Variants in DAGLA observed in about 807,000 individuals in gnomAD.
The protein encoded by DAGLA is diacylglycerol lipase-alpha.
Under a neutral mutation model 102.6 loss-of-function variants are expected in DAGLA, and 22 were observed. The observed-to-expected ratio is 0.21, with a 90% confidence interval of 0.15 to 0.31. DAGLA has a LOEUF of 0.31. Among genes scored for constraint, DAGLA ranks in the 10% least tolerant of loss-of-function variants. DAGLA has a pLI of 1.00. For missense variants in DAGLA, 927 were observed against 1,446.6 expected, an observed-to-expected ratio of 0.64 and a Z score of 5.83; for synonymous variants, 578 against 628.9, an observed-to-expected ratio of 0.92 and a Z score of 1.21.
At chr11:61,694,717 G>A (rs1440171166) in intron 1 of DAGLA, among the ~76,000 whole-genome samples, 2 of 152,210 alleles carry the variant, frequency 1.3e-5, no homozygotes, top group Non-Finnish European at 2.9e-5. Context: ...GGGGAGGAAG[G>A]GTGGGAGAAA....
intron 1 of DAGLA, among the ~76,000 whole-genome samples, chr11:61,706,181 C>T (rs1462027257): frequency 6.6e-6 from 1 of 152,226 alleles, no homozygotes; most frequent in African/African-American, 2.4e-5. Flanking sequence ...AATCAAGAAT[C>T]GAGGACAACC....
At chr11:61,738,922 C>T (rs1319985144) in intron 16 of DAGLA, among the ~76,000 whole-genome samples, 1 of 152,164 alleles carries the variant, frequency 6.6e-6, no homozygotes, top group Non-Finnish European at 1.5e-5. Flanking sequence ...GACCCTGTGG[C>T]AGGCAGGGCC....
chr11:61,683,316 G>A (rs1341353262), intron 1 of DAGLA, among the ~76,000 whole-genome samples: 4 of 152,190 alleles, frequency 2.6e-5, no homozygotes, highest in Admixed American at 1.3e-4. Flanking sequence ...CCCCGTAGCT[G>A]CCACGCAGAC....
chr11:61,730,891 G>A (rs529842213), intron 8 of DAGLA, among the ~76,000 whole-genome samples: 4 of 152,306 alleles, frequency 2.6e-5, no homozygotes, highest in South Asian at 2.1e-4. Flanking sequence ...CACACACGCC[G>A]CCCAGCTGGA....
At chr11:61,736,408 C>A in intron 13 of DAGLA, 58 bp downstream of exon 13, 4 of 1,387,274 alleles carry the variant, frequency 2.9e-6, no homozygotes, top group Non-Finnish European at 3.1e-6. Flanking sequence ...TCCTCCAACG[C>A]AGCACAGAGA....
In DAGLA at chr11:61,684,485, T is replaced by TTG. The variant is rs780676670; in HGVS notation, c.-45+3990_-45+3991dup. 6.6e-6 allele frequency among the ~76,000 whole-genome samples: 1 copy of TTG among 151,640 alleles called. No homozygotes were observed. Among genetic ancestry groups the TTG allele is most frequent in the Non-Finnish European group, 1.5e-5 (1 of 67,924 alleles). The stretch of plus-strand genomic sequence containing the variant: ...GCGTGAGTGTGGGTGTGGACGTGGG[T>TTG]TGTGTGTGTGGGCAGGAAAGACCCA... On this transcript the variant is annotated intron_variant, in intron 1 of 19. Coordinates refer to ENST00000257215, the MANE Select transcript of DAGLA (RefSeq NM_006133.3). This position sits in a 1 kb window ranked among gnomAD's most constrained non-coding sequence, Gnocchi z 4.5.
Position 61,744,143 on chromosome 11 carries a change from G to T in DAGLA, c.2783G>T (p.Ser928Ile). The stretch of plus-strand genomic sequence containing the variant: ...CTCTTCAACCTGGACAGCAAGAGCA[G>T]CTCCTTCCAAGACCTCTACTGCATG... ...DSLFNLDSKS[S>I]SFQDLYCMVV... is the part of the protein sequence containing the mutation. Residue 928 changes from serine to isoleucine, a missense_variant, in exon 20 of 20, where the codon AGC becomes ATC. This residue lies in a region of DAGLA where 434 missense variants were observed against 503.3 expected (regional missense o/e 0.86). Coordinates refer to ENST00000257215, the MANE Select transcript of DAGLA (RefSeq NM_006133.3). 6.2e-7 allele frequency: 1 copy of T among 1,613,076 alleles called. No homozygotes were observed. The highest frequency in any genetic ancestry group is 1.1e-5 in the South Asian group (1 of 91,078).
chr11:61,686,345 G>A lies in DAGLA; in HGVS notation c.-45+5841G>A, dbSNP rs2064985496. On this transcript the variant is annotated intron_variant, in intron 1 of 19. Transcript: ENST00000257215. This position sits in a 1 kb window ranked among gnomAD's most constrained non-coding sequence, Gnocchi z 5.2. ...TGCTGGGCGGGAGTGTGAACGGCAG[G>A]CTTTCAGGGCTGCCCTCGAGGCCGT... 6.6e-6 allele frequency among the ~76,000 whole-genome samples: 1 copy of A among 152,152 alleles called. No individual in the cohort carries two copies.
At chr11:61,697,417 G>A (rs2065075299) in intron 1 of DAGLA, among the ~76,000 whole-genome samples, 1 of 152,156 alleles carries the variant, frequency 6.6e-6, no homozygotes, top group South Asian at 2.1e-4. Flanking sequence ...TCTGCTTGGG[G>A]GAATGGCCAC....
intron 1 of DAGLA, among the ~76,000 whole-genome samples, chr11:61,701,942 A>AT (rs553267955): frequency 3.0e-4 from 44 of 146,862 alleles, no homozygotes; most frequent in South Asian, 6.5e-4. Flanking sequence ...GCCCAGATAA[A>AT]TTTTTTTTTT....
At chr11:61,696,408 G>A (rs1054613756) in intron 1 of DAGLA, among the ~76,000 whole-genome samples, 6 of 152,102 alleles carry the variant, frequency 3.9e-5, no homozygotes, top group Non-Finnish European at 8.8e-5. Context: ...GTCCGTCAAG[G>A]ACACCACCCC....
At chr11:61,685,201 T>G (rs575732143) in intron 1 of DAGLA, among the ~76,000 whole-genome samples, 1 of 152,224 alleles carries the variant, frequency 6.6e-6, no homozygotes, top group Non-Finnish European at 1.5e-5. Context: ...TTTCCTAATC[T>G]GTAAGATGGG....
chr11:61,689,829 G>A (rs1305976929), intron 1 of DAGLA, among the ~76,000 whole-genome samples: 1 of 152,108 alleles, frequency 6.6e-6, no homozygotes, highest in African/African-American at 2.4e-5. Flanking sequence ...TCTATCCACT[G>A]CCTTTTCTTT....
At chr11:61,739,407 G>C in intron 16 of DAGLA, 58 bp from the exon 17 acceptor site, 124 of 1,405,468 alleles carry the variant, frequency 8.8e-5, no homozygotes, top group South Asian at 6.7e-4. Context: ...CCCTGCCCCT[G>C]CCCCCCAGCC....
chr11:61,695,133 T>A (rs2065054328), intron 1 of DAGLA, among the ~76,000 whole-genome samples: 1 of 152,168 alleles, frequency 6.6e-6, no homozygotes, highest in Non-Finnish European at 1.5e-5. Flanking sequence ...GCTAAAGTGG[T>A]GCCCAGCCTC....
chr11:61,712,413 G>A (rs555702765), intron 1 of DAGLA, among the ~76,000 whole-genome samples: 5 of 152,276 alleles, frequency 3.3e-5, no homozygotes, highest in East Asian at 1.9e-4. Context: ...TGGGAAAGGC[G>A]TTTGTTAGCC....
At chr11:61,706,403 C>A (rs1345729876) in intron 1 of DAGLA, among the ~76,000 whole-genome samples, 1 of 152,182 alleles carries the variant, frequency 6.6e-6, no homozygotes, top group Non-Finnish European at 1.5e-5. Flanking sequence ...CTGCACCCCA[C>A]CCATGAACAT....
chr11:61,720,067 C>T (rs1014340163), intron 1 of DAGLA, 45 bp from the exon 2 acceptor site: 1 of 1,386,396 alleles, frequency 7.2e-7, no homozygotes, highest in South Asian at 1.2e-5. Context: ...GCCCTGGGTG[C>T]CTTCACCTCC....
rs149478866 is a variant in DAGLA at position 61,682,153 on chromosome 11, T to A, written c.-45+1649T>A. Among the ~76,000 whole-genome samples, 39 of 152,268 alleles carry A rather than the reference T, an allele frequency of 2.6e-4. 1 individual carries two copies. The highest frequency in any genetic ancestry group is 1.8e-3 in the Admixed American group (27 of 15,298). On this transcript the variant is annotated intron_variant, in intron 1 of 19. Coordinates refer to ENST00000257215, the MANE Select transcript of DAGLA (RefSeq NM_006133.3). ...TGGAGCCATATCACTTTAATTCCAG[T>A]GTTGGCTGTGTGACCTTCAGCAGGT...
Sources: gnomAD v4.1 joint callset for allele counts (sites outside exome capture counted in the v4.1 genomes callset) on GRCh38, gnomAD v4.1.1 for gene constraint, gnomAD v4.1.1 regional missense constraint, Gnocchi (gnomAD v3.1) non-coding constraint, MANE v1.5 for transcripts, NCBI Gene and HGNC (gene_info 2026-07-23, HGNC 2026-07-21) for gene names.